Variants in DYM observed in about 807,000 individuals in gnomAD.
The protein encoded by DYM is dyggve-Melchior-Clausen syndrome protein.
A neutral mutation model predicts 93.1 loss-of-function variants in DYM; 78 were observed. The observed-to-expected ratio is 0.84, with a 90% CI of 0.70 to 1.01. DYM has a LOEUF of 1.01. Among genes scored for constraint, DYM ranks in the 50% least tolerant of loss-of-function variants. The pLI, the probability that DYM is intolerant of heterozygous loss-of-function variation, is 0.00. For missense variants in DYM, 789 were observed against 845.0 expected, an observed-to-expected ratio of 0.93 and a Z score of 0.82; for synonymous variants, 321 against 319.7, an observed-to-expected ratio of 1.00 and a Z score of -0.04.
chr18:49,266,049 A>C (rs1310682552), intron 11 of DYM, among the ~76,000 whole-genome samples: 1 of 152,020 alleles, frequency 6.6e-6, no homozygotes, highest in African/African-American at 2.4e-5. Flanking sequence ...AATCCCAGCT[A>C]CTTGGGAGGC....
At chr18:49,337,005 T>C (rs891158548) in intron 6 of DYM, among the ~76,000 whole-genome samples, 1 of 152,218 alleles carries the variant, frequency 6.6e-6, no homozygotes, top group African/African-American at 2.4e-5. Flanking sequence ...TCAACTCTAG[T>C]ATATAATAGG....
At chr18:49,190,481 G>A (rs1389874515) in intron 14 of DYM, among the ~76,000 whole-genome samples, 1 of 152,114 alleles carries the variant, frequency 6.6e-6, no homozygotes, top group African/African-American at 2.4e-5. Context: ...TTGCATGCTA[G>A]GATGCAGAGA....
intron 8 of DYM, among the ~76,000 whole-genome samples, chr18:49,289,772 T>TATATATACATAC (rs1555678772): frequency 2.7e-5 from 1 of 36,642 alleles, no homozygotes; most frequent in African/African-American, 1.3e-4. Flanking sequence ...TATATATATA[T>TATATATACATAC]ACACATATAT....
In DYM at chr18:49,116,215, T is replaced by C. The variant is rs551985372; in HGVS notation, c.1911+2529A>G. The C allele has an allele frequency of 2.6e-5, 4 of 152,332 alleles. No individual in the cohort carries two copies. The East Asian group carries it at 7.7e-4, about 29-fold the overall frequency. The allele number at this position is 152,332 out of a possible 1,614,324, so 9.4% of individuals were successfully genotyped here. ...GACTCAGCTTACCAATCAAATGTCA[T>C]TTTATCACATCATCATTTTATCATA... On this transcript the variant is annotated intron_variant, in intron 16 of 17. Transcript: ENST00000675505.
At chr18:49,402,620 A>G (rs1313371004) in intron 2 of DYM, among the ~76,000 whole-genome samples, 3 of 152,212 alleles carry the variant, frequency 2.0e-5, no homozygotes, top group African/African-American at 4.8e-5. Context: ...TTCTTGTTTA[A>G]TTCCACTAAA....
At chr18:49,380,277 T>A (rs1429606655) in intron 3 of DYM, among the ~76,000 whole-genome samples, 2 of 152,324 alleles carry the variant, frequency 1.3e-5, no homozygotes, top group Admixed American at 1.3e-4. Flanking sequence ...AATTTTTTTT[T>A]AACTTTAAAC....
At chr18:49,108,633 A>C (rs1165115115) in intron 16 of DYM, among the ~76,000 whole-genome samples, 1 of 152,048 alleles carries the variant, frequency 6.6e-6, no homozygotes, top group Non-Finnish European at 1.5e-5. Context: ...AAATTTGCTG[A>C]GGTTTGTTTT....
intron 8 of DYM, among the ~76,000 whole-genome samples, chr18:49,319,672 T>G (rs1020345182): frequency 6.6e-6 from 1 of 152,182 alleles, no homozygotes; most frequent in Non-Finnish European, 1.5e-5. Flanking sequence ...ATGAGGAAAC[T>G]GGGGCTCAGC....
At chr18:49,164,141 G>A (rs2087563626) in intron 14 of DYM, among the ~76,000 whole-genome samples, 1 of 152,128 alleles carries the variant, frequency 6.6e-6, no homozygotes, top group Admixed American at 6.6e-5. Context: ...AGTCACTTGA[G>A]CTTGTGTATT....
At chr18:49,204,197 A>G (rs113933427) in intron 14 of DYM, among the ~76,000 whole-genome samples, 66 of 152,370 alleles carry the variant, frequency 4.3e-4, no homozygotes, top group African/African-American at 1.5e-3. Flanking sequence ...TTAACTAGTC[A>G]AGGACTTCAG....
At chr18:49,355,815 T>C (rs926444056) in intron 6 of DYM, among the ~76,000 whole-genome samples, 45 of 152,228 alleles carry the variant, frequency 3.0e-4, no homozygotes, top group Non-Finnish European at 3.7e-4. Context: ...AAAATAAATA[T>C]AAAGACTTAT....
At chr18:49,318,856 A>G (rs2062228862) in intron 8 of DYM, among the ~76,000 whole-genome samples, 1 of 131,440 alleles carries the variant, frequency 7.6e-6, no homozygotes, top group Admixed American at 8.8e-5. Context: ...GCTGGAGTGC[A>G]GTGGCACGAT....
At chr18:49,168,293 A>G (rs192803583) in intron 14 of DYM, among the ~76,000 whole-genome samples, 1 of 152,206 alleles carries the variant, frequency 6.6e-6, no homozygotes, top group African/African-American at 2.4e-5. Context: ...GGATACATAC[A>G]TGAGAGAGTG....
At chr18:49,376,960 G>A (rs2067559968) in intron 5 of DYM, among the ~76,000 whole-genome samples, 1 of 152,186 alleles carries the variant, frequency 6.6e-6, no homozygotes, top group South Asian at 2.1e-4. Context: ...TGAAATGACT[G>A]TCCTAAGTTG....
intron 17 of DYM, among the ~76,000 whole-genome samples, chr18:49,091,073 T>G (rs913025677): frequency 6.6e-6 from 1 of 152,216 alleles, no homozygotes; most frequent in African/African-American, 2.4e-5. Context: ...TATGGAGAGC[T>G]GTTCTTCAAA....
chr18:49,335,760 T>C (rs1301517781), intron 6 of DYM, among the ~76,000 whole-genome samples: 2 of 152,002 alleles, frequency 1.3e-5, no homozygotes, highest in Non-Finnish European at 2.9e-5. Context: ...TAGAGCCTAT[T>C]TAGATAGGCA....
chr18:49,310,590 TTA>T (rs1189847064), intron 8 of DYM, among the ~76,000 whole-genome samples: 3 of 152,230 alleles, frequency 2.0e-5, no homozygotes, highest in African/African-American at 7.2e-5. Context: ...GCCAAAAGAA[TTA>T]TTAGATATTT....
chr18:49,435,090 C>T (rs2080707954), intron 1 of DYM, among the ~76,000 whole-genome samples: 1 of 151,308 alleles, frequency 6.6e-6, no homozygotes, highest in Admixed American at 6.6e-5. Flanking sequence ...CGCCTATAAT[C>T]CCAGCTTCTA....
intron 13 of DYM, among the ~76,000 whole-genome samples, chr18:49,231,371 C>T (rs772601653): frequency 3.3e-5 from 5 of 152,074 alleles, no homozygotes; most frequent in Admixed American, 1.3e-4. Context: ...ATCTAGAGTA[C>T]GAGAACAAAA....
Sources: gnomAD v4.1 joint callset for allele counts (sites outside exome capture counted in the v4.1 genomes callset) on GRCh38, gnomAD v4.1.1 for gene constraint, MANE v1.5 for transcripts, NCBI Gene and HGNC (gene_info 2026-07-23, HGNC 2026-07-21) for gene names.